Variants in SDK1 observed in about 807,000 individuals in gnomAD.
The protein encoded by SDK1 is protein sidekick-1.
Under a neutral mutation model 245.5 loss-of-function variants are expected in SDK1, and 157 were observed. The ratio of observed to expected loss-of-function variants is 0.64; its 90% CI spans 0.56 to 0.73. The LOEUF (loss-of-function observed/expected upper bound fraction) is 0.73, where lower values mean the gene tolerates loss of function less well. Among genes scored for constraint, SDK1 ranks in the 30% least tolerant of loss-of-function variants. SDK1 has a pLI of 0.00. For missense variants in SDK1, 3,583 were observed against 3,002.3 expected (o/e 1.19, Z -4.52); for synonymous variants, 1,647 against 1,278.5 (o/e 1.29, Z -6.15).
chr7:3,916,539 G>A (rs1187442656), intron 5 of SDK1, among the ~76,000 whole-genome samples: 5 of 152,170 alleles, frequency 3.3e-5, no homozygotes, highest in Admixed American at 2.6e-4. Context: ...CTGTGGATGT[G>A]ATAGGCAAAT....
chr7:3,627,392 G>A (rs879214547), intron 2 of SDK1, among the ~76,000 whole-genome samples: 2 of 152,154 alleles, frequency 1.3e-5, no homozygotes, highest in Admixed American at 1.3e-4. Context: ...TTCTGTGCAG[G>A]CTGCCACGTG....
At chr7:3,912,640 G>C (rs546400347) in intron 5 of SDK1, among the ~76,000 whole-genome samples, 1 of 152,284 alleles carries the variant, frequency 6.6e-6, no homozygotes, top group East Asian at 1.9e-4. Context: ...TGGGGCACCC[G>C]CTTCTGGGCT....
intron 1 of SDK1, among the ~76,000 whole-genome samples, chr7:3,422,708 CTCTGGCAACACAGGAGTTGGG>C (rs751605211): frequency 6.6e-5 from 10 of 152,220 alleles, no homozygotes; most frequent in Admixed American, 1.3e-4. Context: ...GAAAACCCTA[CTCTGGCAACACAGGAGTTGGG>C]CTGGCGATAA....
intron 4 of SDK1, among the ~76,000 whole-genome samples, chr7:3,792,893 C>A (rs529236398): frequency 6.6e-6 from 1 of 152,154 alleles, no homozygotes; most frequent in Non-Finnish European, 1.5e-5. Context: ...CTAGCACTGG[C>A]GTTTTAACAT....
chr7:3,672,478 C>G (rs10233791), intron 4 of SDK1, among the ~76,000 whole-genome samples: 1 of 150,342 alleles, frequency 6.7e-6, no homozygotes, highest in Non-Finnish European at 1.5e-5. Flanking sequence ...ATAGGACATA[C>G]AGGCAAAGAA....
chr7:4,100,196 G>T (rs1377051305), intron 22 of SDK1, among the ~76,000 whole-genome samples: 2 of 152,206 alleles, frequency 1.3e-5, no homozygotes, highest in Admixed American at 6.5e-5. Flanking sequence ...CCCTTGAGAG[G>T]GATCAGATCT....
chr7:3,916,298 C>T (rs568860784), intron 5 of SDK1, among the ~76,000 whole-genome samples: 2 of 152,328 alleles, frequency 1.3e-5, no homozygotes, highest in East Asian at 1.9e-4. Flanking sequence ...AGTAAATCTA[C>T]ACTTTACATG....
At chr7:3,309,647 G>A (rs1779503980) in intron 1 of SDK1, among the ~76,000 whole-genome samples, 2 of 147,644 alleles carry the variant, frequency 1.4e-5, no homozygotes, top group Non-Finnish European at 1.5e-5. Flanking sequence ...TTTTTATTCA[G>A]CATTTATTCA....
chr7:3,675,649 C>G (rs994982034), intron 4 of SDK1, among the ~76,000 whole-genome samples: 2 of 152,058 alleles, frequency 1.3e-5, no homozygotes, highest in African/African-American at 4.8e-5. Flanking sequence ...TCATAGCTCA[C>G]TGCGGCCTGG....
intron 40 of SDK1, among the ~76,000 whole-genome samples, chr7:4,231,871 G>A (rs924307310): frequency 6.6e-6 from 1 of 152,076 alleles, no homozygotes; most frequent in Admixed American, 6.5e-5. Flanking sequence ...GTTGGTTTCC[G>A]GAGCAGTCTC....
At chr7:4,146,699 A>T (rs1214770296) in intron 29 of SDK1, among the ~76,000 whole-genome samples, 1 of 152,212 alleles carries the variant, frequency 6.6e-6, no homozygotes, top group Admixed American at 6.5e-5. Context: ...CTCAGTAAGT[A>T]AGTTTTCCAA....
At chr7:3,662,103 T>A (rs1440579323) in intron 4 of SDK1, among the ~76,000 whole-genome samples, 1 of 151,186 alleles carries the variant, frequency 6.6e-6, no homozygotes, top group African/African-American at 2.4e-5. Flanking sequence ...GAAAATTGCA[T>A]TCTGTATATC....
At chr7:3,759,207 A>G (rs73672165) in intron 4 of SDK1, among the ~76,000 whole-genome samples, 4,268 of 152,272 alleles carry the variant, frequency 0.028, 195 homozygotes, top group African/African-American at 0.099. Context: ...TTGGATCATA[A>G]TTCTGAAAGA....
At chr7:3,505,985 AT>A (rs1219507654) in intron 1 of SDK1, among the ~76,000 whole-genome samples, 1 of 151,918 alleles carries the variant, frequency 6.6e-6, no homozygotes, top group Non-Finnish European at 1.5e-5. Flanking sequence ...ATACATTTTT[AT>A]TTTTGCTTTT....
intron 1 of SDK1, among the ~76,000 whole-genome samples, chr7:3,354,658 G>A (rs148814273): frequency 2.0e-5 from 3 of 152,230 alleles, no homozygotes; most frequent in Admixed American, 1.3e-4. Context: ...GAAGTTAATT[G>A]TGTTTCATTG....
chr7:3,896,285 T>G (rs1276041435), intron 5 of SDK1, among the ~76,000 whole-genome samples: 1 of 152,210 alleles, frequency 6.6e-6, no homozygotes, highest in Non-Finnish European at 1.5e-5. Context: ...TAATACTTCT[T>G]GAAGTGCTGG....
intron 4 of SDK1, among the ~76,000 whole-genome samples, chr7:3,655,208 C>T (rs995436848): frequency 6.6e-6 from 1 of 150,968 alleles, no homozygotes; most frequent in African/African-American, 2.4e-5. Flanking sequence ...CTGAGGCAGG[C>T]AGATCATCTG....
intron 7 of SDK1, among the ~76,000 whole-genome samples, chr7:3,953,065 C>T (rs1209850018): frequency 1.3e-5 from 2 of 151,706 alleles, no homozygotes; most frequent in African/African-American, 4.8e-5. Context: ...TTCCTCTCTC[C>T]TCTTTGGGAA....
intron 1 of SDK1, among the ~76,000 whole-genome samples, chr7:3,400,298 G>A (rs142657040): frequency 2.0e-3 from 297 of 152,252 alleles, no homozygotes; most frequent in Admixed American, 3.4e-3. Context: ...TTGTTGTACA[G>A]CTTTGGTTAA....
Sources: allele counts gnomAD v4.1 joint callset (sites outside exome capture counted in the v4.1 genomes callset), GRCh38; gene constraint gnomAD v4.1.1; transcripts MANE v1.5; gene names NCBI Gene and HGNC (gene_info 2026-07-23, HGNC 2026-07-21).